UST: variants seen among roughly 807,000 people sequenced by gnomAD.
UST encodes uronyl 2-sulfotransferase, also known as chondroitin sulfate 2-O-sulfotransferase.
Under a neutral mutation model 45.6 loss-of-function variants are expected in UST, and 21 were observed. The ratio of observed to expected loss-of-function variants is 0.46; its 90% CI spans 0.33 to 0.66. The LOEUF (loss-of-function observed/expected upper bound fraction) is 0.66. Among genes scored for constraint, UST ranks in the 30% least tolerant of loss-of-function variants. The pLI is 0.02. For synonymous variants in UST, 215 were observed against 200.6 expected (o/e 1.07, Z -0.61); for missense variants, 463 against 512.4 (o/e 0.90, Z 0.93).
intron 7 of UST, among the ~76,000 whole-genome samples, chr6:149,071,138 G>T (rs369982701): frequency 9.2e-5 from 14 of 152,232 alleles, no homozygotes; most frequent in African/African-American, 3.4e-4. Context: ...TCAAATAATA[G>T]GTCTTATTCA....
intron 7 of UST, among the ~76,000 whole-genome samples, chr6:149,024,732 A>C (rs1356360004): frequency 6.6e-6 from 1 of 152,206 alleles, no homozygotes. Context: ...GTCTTAGGGC[A>C]TACTAAAATC....
chr6:148,903,261 CTG>C (rs1348386569), intron 2 of UST, among the ~76,000 whole-genome samples: 13 of 152,106 alleles, frequency 8.5e-5, no homozygotes, highest in African/African-American at 2.6e-4. Context: ...TGGTGGGAGA[CTG>C]TGTATTAATT....
intron 7 of UST, among the ~76,000 whole-genome samples, chr6:149,059,968 C>T (rs1776628995): frequency 6.6e-6 from 1 of 152,194 alleles, no homozygotes; most frequent in African/African-American, 2.4e-5. Flanking sequence ...GGGCCCTCAG[C>T]GACCTACCCC....
At chr6:148,886,616 G>A (rs1395042459) in intron 1 of UST, among the ~76,000 whole-genome samples, 1 of 152,202 alleles carries the variant, frequency 6.6e-6, no homozygotes, top group Non-Finnish European at 1.5e-5. Context: ...TCAGACTGGG[G>A]CTGGGCAGTC....
intron 2 of UST, among the ~76,000 whole-genome samples, chr6:148,902,436 A>G (rs1301440858): frequency 6.6e-6 from 1 of 150,472 alleles, no homozygotes; most frequent in Non-Finnish European, 1.5e-5. Context: ...AGGTCTAGCT[A>G]TGTTGCCCAG....
chr6:148,886,928 A>C (rs968910207), intron 1 of UST, 58 bp from the exon 2 acceptor site: 1 of 1,407,560 alleles, frequency 7.1e-7, no homozygotes, highest in African/African-American at 1.4e-5. Context: ...ATAACTTTGC[A>C]CTAAATTCAT....
chr6:148,973,802 G>A (rs946678021), intron 5 of UST, among the ~76,000 whole-genome samples: 6 of 152,314 alleles, frequency 3.9e-5, no homozygotes, highest in African/African-American at 1.4e-4. Flanking sequence ...TGCAAAGTCT[G>A]AAGACAGGAA....
At chr6:148,836,526 CTTGGGCCAA>C (rs1467008669) in intron 1 of UST, among the ~76,000 whole-genome samples, 1 of 152,180 alleles carries the variant, frequency 6.6e-6, no homozygotes, top group East Asian at 1.9e-4. Context: ...GCTGAGTCGC[CTTGGGCCAA>C]TCACTGAACT....
chr6:148,752,020 G>C (rs1776001984), intron 1 of UST, among the ~76,000 whole-genome samples: 1 of 152,208 alleles, frequency 6.6e-6, no homozygotes, highest in South Asian at 2.1e-4. Flanking sequence ...AAACTTGTTG[G>C]ACTCATTCCC....
Position 148,797,751 on chromosome 6 carries a change from A to T in UST, c.247+50074A>T, listed in dbSNP as rs1776980289. Among the ~76,000 whole-genome samples, 2 of 152,202 alleles carry T rather than the reference A, an allele frequency of 1.3e-5. 1 individual carries two copies. Among genetic ancestry groups the T allele is most frequent in the South Asian group, 4.1e-4 (2 of 4,832 alleles). On this transcript the variant is annotated intron_variant, in intron 1 of 7. Transcript: ENST00000367463. ...AGACAACGAGGAGTTGTTCATAGGA[A>T]GGAGGGAAGGAAGGCAGTTCAGACA...
In UST at chr6:149,002,670, C is replaced by A. The variant is rs370130437; in HGVS notation, c.682-16469C>A. 4.6e-5 allele frequency among the ~76,000 whole-genome samples: 7 copies of A among 152,206 alleles called. No individual in the cohort carries two copies. In the South Asian group the frequency reaches 1.0e-3, roughly 23 times the overall value. On this transcript the variant is annotated intron_variant, in intron 5 of 7. Transcript: ENST00000367463. Reference sequence around the variant, plus strand: ...TACAGGCACAGACCACCACGCCCAGCTAATTTTTGTATTTTTACTAGAGGT... The same window carrying A: ...TACAGGCACAGACCACCACGCCCAGATAATTTTTGTATTTTTACTAGAGGT...
intron 2 of UST, among the ~76,000 whole-genome samples, chr6:148,940,544 C>T (rs1324107679): frequency 6.6e-6 from 1 of 151,982 alleles, no homozygotes; most frequent in Admixed American, 6.6e-5. Context: ...CAAGGATGTG[C>T]AGAAATTGGA....
chr6:148,957,350 T>C (rs1211495282), intron 4 of UST, among the ~76,000 whole-genome samples: 11 of 152,346 alleles, frequency 7.2e-5, no homozygotes, highest in African/African-American at 2.6e-4. Context: ...AGCTTTTCAT[T>C]GTTTAAGGGA....
chr6:148,769,144 C>T (rs1776372916), intron 1 of UST, among the ~76,000 whole-genome samples: 1 of 152,210 alleles, frequency 6.6e-6, no homozygotes. Context: ...GCACATACAC[C>T]CTTTGGGTGA....
chr6:148,857,611 G>A (rs1352369018), intron 1 of UST, among the ~76,000 whole-genome samples: 2 of 152,084 alleles, frequency 1.3e-5, no homozygotes, highest in African/African-American at 4.8e-5. Context: ...TGGCTTGACC[G>A]ATATTGTAGA....
At chr6:149,035,140 A>G (rs1219682475) in intron 7 of UST, among the ~76,000 whole-genome samples, 1 of 151,924 alleles carries the variant, frequency 6.6e-6, no homozygotes, top group Non-Finnish European at 1.5e-5. Flanking sequence ...TTCCTCCCTC[A>G]ATTGCCATCT....
intron 7 of UST, among the ~76,000 whole-genome samples, chr6:149,064,623 C>T (rs997217747): frequency 5.9e-5 from 9 of 152,128 alleles, no homozygotes; most frequent in South Asian, 2.1e-4. Flanking sequence ...TTGATTTTGA[C>T]GAGAAGCACT....
At chr6:148,776,358 C>T (rs539548543) in intron 1 of UST, among the ~76,000 whole-genome samples, 2 of 152,270 alleles carry the variant, frequency 1.3e-5, no homozygotes, top group African/African-American at 4.8e-5. Flanking sequence ...CTCTTCTCAG[C>T]AGAAGTGTTT....
chr6:149,021,304 A>T lies in UST; in HGVS notation c.780-20A>T. 1.3e-6 allele frequency: 2 copies of T among 1,572,682 alleles called. No individual in the cohort carries two copies. Among genetic ancestry groups the T allele is most frequent in the Non-Finnish European group, 1.7e-6 (2 of 1,158,780 alleles). On this transcript the variant is annotated intron_variant, in intron 6 of 7. Coordinates refer to ENST00000367463, the MANE Select transcript of UST (RefSeq NM_005715.3). ...CAAATATGAATGTCTGATTTTAAAT[A>T]AATTTTTATATCCATAAAGGGAGCC...
Sources: gnomAD v4.1 joint callset for allele counts (sites outside exome capture counted in the v4.1 genomes callset) on GRCh38, gnomAD v4.1.1 for gene constraint, MANE v1.5 for transcripts, NCBI Gene and HGNC (gene_info 2026-07-23, HGNC 2026-07-21) for gene names.